The following LRGUK variants were observed in gnomAD, a reference collection of about 807,000 sequenced individuals.
The protein encoded by LRGUK is leucine-rich repeat and guanylate kinase domain-containing protein.
Under a neutral mutation model 76.0 loss-of-function variants are expected in LRGUK, and 65 were observed. The ratio of observed to expected loss-of-function variants is 0.85; its 90% CI spans 0.70 to 1.05. The LOEUF is 1.05. Ranked by LOEUF, LRGUK falls within the 50% of genes least tolerant of loss-of-function variation. The pLI is 0.00. For missense variants in LRGUK, 758 were observed against 732.8 expected (o/e 1.03, Z -0.40); for synonymous variants, 268 against 265.6 (o/e 1.01, Z -0.09).
chr7:134,142,006 A>G (rs1216830912), intron 3 of LRGUK, among the ~76,000 whole-genome samples: 1 of 152,144 alleles, frequency 6.6e-6, no homozygotes, highest in East Asian at 1.9e-4. Context: ...CTTACATAGC[A>G]TGTCCTACCC....
At chr7:134,214,721 A>G (rs1170966528), downstream of LRGUK, among the ~76,000 whole-genome samples, 4 of 151,608 alleles carry the variant, frequency 2.6e-5, no homozygotes, top group Non-Finnish European at 5.9e-5. Flanking sequence ...TATTTTTTAA[A>G]TTTTCTACAA....
At chr7:134,189,318 G>T (rs560262463) in intron 11 of LRGUK, among the ~76,000 whole-genome samples, 47 of 152,238 alleles carry the variant, frequency 3.1e-4, no homozygotes, top group South Asian at 1.5e-3. Flanking sequence ...CTAGAATTTG[G>T]TATCATTTTT....
chr7:134,198,823 C>T lies in LRGUK; in HGVS notation c.1546-397C>T, dbSNP rs192524860. Among the ~76,000 whole-genome samples the T allele has an allele frequency of 5.8e-3, 884 of 152,264 alleles. 5 individuals carry two copies. The highest frequency in any genetic ancestry group is 9.2e-3 in the Non-Finnish European group (629 of 68,014). The stretch of plus-strand genomic sequence containing the variant: ...AAGGGGTCACAGAAGAGCCTTTTCT[C>T]CCTGGTAAGATCTCTATCTCCTGGT... On this transcript the variant is annotated intron_variant, in intron 13 of 15. Transcript: ENST00000645682.
intron 1 of LRGUK, among the ~76,000 whole-genome samples, chr7:134,132,302 C>A (rs1485124034): frequency 6.6e-6 from 1 of 152,146 alleles, no homozygotes; most frequent in East Asian, 1.9e-4. Flanking sequence ...CTGCAGTGAG[C>A]TATGATCATG....
intron 7 of LRGUK, among the ~76,000 whole-genome samples, chr7:134,174,100 T>C (rs1166313203): frequency 8.3e-6 from 1 of 121,074 alleles, no homozygotes; most frequent in African/African-American, 3.4e-5. Context: ...AGAGCGAGAC[T>C]CCATCGCAAA....
At chr7:134,177,798 T>C (rs1799545058) in intron 9 of LRGUK, among the ~76,000 whole-genome samples, 1 of 152,242 alleles carries the variant, frequency 6.6e-6, no homozygotes, top group Non-Finnish European at 1.5e-5. Context: ...TGCCAGTCTG[T>C]CATTATTCTC....
At position 134,152,411 on chromosome 7, in the gene LRGUK, A is replaced by C. The variant is rs552650357; in HGVS notation, c.670+4092A>C. Among the ~76,000 whole-genome samples the C allele has an allele frequency of 2.0e-4, 31 of 152,218 alleles. 1 individual carries two copies. Among genetic ancestry groups the C allele is most frequent in the South Asian group, 1.4e-3 (7 of 4,830 alleles). On this transcript the variant is annotated intron_variant, in intron 5 of 15. Coordinates refer to ENST00000645682, the Ensembl canonical transcript of LRGUK. ...ATATATCCCATGTCCCTGGATAAGA[A>C]GATGGGCAAAATAAAAGATGAGAAA... is the stretch of plus-strand genomic sequence containing the variant.
intron 2 of LRGUK, among the ~76,000 whole-genome samples, chr7:134,137,896 A>G (rs1163617898): frequency 6.6e-6 from 1 of 152,036 alleles, no homozygotes; most frequent in Non-Finnish European, 1.5e-5. Context: ...TGGCACCATG[A>G]TTTGGCGAAA....
intron 13 of LRGUK, 39 bp downstream of exon 13, chr7:134,197,144 T>C (rs776700421): frequency 1.6e-6 from 2 of 1,241,488 alleles, no homozygotes; most frequent in South Asian, 1.2e-5. Context: ...TGTGTGTAGT[T>C]TGTGTGAGTG....
the LRGUK span, among the ~76,000 whole-genome samples, chr7:134,269,865 A>T: frequency 6.6e-6 from 1 of 152,206 alleles, no homozygotes. Context: ...ATCAGAATAT[A>T]TAAATTGATG....
intron 15 of LRGUK, among the ~76,000 whole-genome samples, chr7:134,216,523 C>T (rs1055609070): frequency 6.6e-6 from 1 of 152,128 alleles, no homozygotes; most frequent in African/African-American, 2.4e-5. Context: ...TTATGAATTT[C>T]CATGTGATAC....
intron 11 of LRGUK, among the ~76,000 whole-genome samples, chr7:134,186,841 C>G (rs1315741334): frequency 6.6e-6 from 1 of 152,162 alleles, no homozygotes; most frequent in African/African-American, 2.4e-5. Context: ...CTAAAATTAG[C>G]TTCATGCTCC....
intron 14 of LRGUK, among the ~76,000 whole-genome samples, chr7:134,199,983 TATATA>T: frequency 1.9e-4 from 1 of 5,156 alleles, no homozygotes; most frequent in African/African-American, 9.9e-4. Context: ...TAGAAACTTT[TATATA>T]TATATATATA....
chr7:134,137,446 C>G (rs763075944), intron 2 of LRGUK, among the ~76,000 whole-genome samples: 5 of 152,084 alleles, frequency 3.3e-5, no homozygotes, highest in Non-Finnish European at 5.9e-5. Flanking sequence ...CAATCAAAGA[C>G]TCTTTAAGAA....
exon 14 of LRGUK, chr7:134,199,357 A>G: frequency 1.9e-6 from 3 of 1,613,888 alleles, no homozygotes; most frequent in Non-Finnish European, 1.7e-6. Flanking sequence ...CTGTCTCCAG[A>G]GTGGACCTTT....
chr7:134,237,154 AAGTG>A (rs1802037944), intron 16 of LRGUK, among the ~76,000 whole-genome samples: 1 of 149,548 alleles, frequency 6.7e-6, no homozygotes. Flanking sequence ...TCCCGGGTTC[AAGTG>A]ATTTTCCTCC....
intron 5 of LRGUK, among the ~76,000 whole-genome samples, chr7:134,152,223 C>T (rs28612481): frequency 0.13 from 19,682 of 151,908 alleles, 1,612 homozygotes; most frequent in East Asian, 0.32. Context: ...AAATCTGTTG[C>T]ATTTCTGTAT....
At chr7:134,267,960 A>G (rs1802888536), downstream of LRGUK, among the ~76,000 whole-genome samples, 3 of 152,186 alleles carry the variant, frequency 2.0e-5, no homozygotes, top group South Asian at 6.2e-4. Context: ...AAAAATGAAA[A>G]TATACCCTAT....
At chr7:134,175,539 G>A (rs1799443490) in intron 8 of LRGUK, among the ~76,000 whole-genome samples, 1 of 152,144 alleles carries the variant, frequency 6.6e-6, no homozygotes, top group African/African-American at 2.4e-5. Context: ...TTGTGCATAT[G>A]CATGAATAAG....
Sources: gnomAD v4.1 joint callset for allele counts (sites outside exome capture counted in the v4.1 genomes callset) on GRCh38, gnomAD v4.1.1 for gene constraint, MANE v1.5 for transcripts, NCBI Gene and HGNC (gene_info 2026-07-23, HGNC 2026-07-21) for gene names.